Variants in TMEM62 observed in about 807,000 individuals in gnomAD.
The protein encoded by TMEM62 is transmembrane protein 62.
TMEM62 carries 41 observed loss-of-function variants against 70.4 expected under a neutral mutation model. The observed-to-expected ratio is 0.58, with a 90% CI of 0.45 to 0.76. The LOEUF is 0.76. Ranked by LOEUF, TMEM62 falls within the 30% of genes least tolerant of loss-of-function variation. TMEM62 has a pLI of 0.00. For missense variants in TMEM62, 688 were observed against 788.5 expected, an observed-to-expected ratio of 0.87 and a Z score of 1.53; for synonymous variants, 268 against 291.0, an observed-to-expected ratio of 0.92 and a Z score of 0.80.
At position 43,146,748 on chromosome 15, in the gene TMEM62, A is replaced by G. The variant is rs2036719732; in HGVS notation, c.618+114A>G. On this transcript the variant is annotated intron_variant, in intron 5 of 13. Transcript: ENST00000260403. ...TTGTTATCTAGGAATGCTTTGGAGAAATTTAACTTGGTTACAGGTATGGCT... is the reference window on the plus strand; with the variant it reads ...TTGTTATCTAGGAATGCTTTGGAGAGATTTAACTTGGTTACAGGTATGGCT... 3.0e-6 allele frequency: 3 copies of G among 1,015,242 alleles called. No individual in the cohort carries two copies. In the South Asian group the frequency reaches 5.5e-5, roughly 19 times the overall value. 62.9% of individuals were successfully genotyped at this position (1,015,242 alleles called of 1,614,324 possible). A position where few individuals can be genotyped will look rare whatever the true frequency, so the allele number is the denominator to read the frequency against.
intron 11 of TMEM62, among the ~76,000 whole-genome samples, chr15:43,173,854 A>AC (rs2040461113): frequency 7.4e-6 from 1 of 135,692 alleles, no homozygotes; most frequent in African/African-American, 2.5e-5. Flanking sequence ...CAATGCAGGA[A>AC]CTTTTTTTTT....
chr15:43,168,141 G>T (rs2039759006), intron 10 of TMEM62, among the ~76,000 whole-genome samples: 1 of 137,548 alleles, frequency 7.3e-6, no homozygotes, highest in Admixed American at 7.4e-5. Flanking sequence ...AGACCGTGGG[G>T]AGAGAGAGGG....
chr15:43,167,234 C>A (rs1015699188), intron 10 of TMEM62, among the ~76,000 whole-genome samples: 1 of 151,750 alleles, frequency 6.6e-6, no homozygotes, highest in African/African-American at 2.4e-5. Flanking sequence ...ACCTCCCTCC[C>A]GGATGGGGCG....
intron 10 of TMEM62, among the ~76,000 whole-genome samples, chr15:43,164,243 C>A (rs550431188): frequency 6.6e-6 from 1 of 152,190 alleles, no homozygotes; most frequent in East Asian, 1.9e-4. Context: ...AAGGCTCCAT[C>A]TCTTAAAAAG....
rs201343057 is a variant in TMEM62 at position 43,155,382 on chromosome 15, GC to G, written c.1182+552del. 1.7e-3 allele frequency among the ~76,000 whole-genome samples: 265 copies of G among 152,154 alleles called. 5 individuals carry two copies. In the East Asian group the frequency reaches 0.034, roughly 19 times the overall value. On this transcript the variant is annotated intron_variant, in intron 9 of 13. Transcript: ENST00000260403. ...ATGGTGGCGTGCATCTGTAGTCCTA[GC>G]TACTTGGGAGGCTGAGATGGAAGGA... is the stretch of plus-strand genomic sequence containing the variant.
chr15:43,135,792 A>G, intron 3 of TMEM62, 143 bp downstream of exon 3: 1 of 975,120 alleles, frequency 1.0e-6, no homozygotes, highest in Non-Finnish European at 1.4e-6. Context: ...CAACTATATA[A>G]TGTGGTTTTA....
intron 12 of TMEM62, among the ~76,000 whole-genome samples, chr15:43,178,917 A>G (rs2041060702): frequency 6.6e-6 from 1 of 152,250 alleles, no homozygotes; most frequent in Non-Finnish European, 1.5e-5. Context: ...AAGGGTGCTG[A>G]GAAGACTGCT....
chr15:43,145,670 A>C (rs2036584291), intron 4 of TMEM62, among the ~76,000 whole-genome samples: 1 of 152,212 alleles, frequency 6.6e-6, no homozygotes, highest in Non-Finnish European at 1.5e-5. Flanking sequence ...AGCATATTAA[A>C]TTTCAGGAGT....
At chr15:43,171,452 C>T (rs992718916) in intron 11 of TMEM62, among the ~76,000 whole-genome samples, 1 of 151,922 alleles carries the variant, frequency 6.6e-6, no homozygotes, top group African/African-American at 2.4e-5. Context: ...CCATTATTCT[C>T]CTAAACTCCT....
At chr15:43,175,850 G>A (rs927453298) in intron 11 of TMEM62, among the ~76,000 whole-genome samples, 4 of 152,206 alleles carry the variant, frequency 2.6e-5, no homozygotes, top group African/African-American at 9.7e-5. Flanking sequence ...TGGGTCCAGC[G>A]CACCGTGCGT....
chr15:43,162,227 T>C (rs1221868345), intron 10 of TMEM62, among the ~76,000 whole-genome samples: 1 of 151,898 alleles, frequency 6.6e-6, no homozygotes, highest in Non-Finnish European at 1.5e-5. Flanking sequence ...AACCTCCGCC[T>C]CCTGGATTCA....
chr15:43,184,364 G>C lies in TMEM62; in HGVS notation c.1710G>C (p.Leu570Phe). 1 of 1,614,166 alleles carries C rather than the reference G, an allele frequency of 6.2e-7. No individual in the cohort carries two copies. The highest frequency in any genetic ancestry group is 8.5e-7 in the Non-Finnish European group (1 of 1,180,020). ...FRSHLHQRKY[L>F]KIMPVHLLML... ...CTCATCTCCATCAAAGAAAATACTTGAAAATTATGCCTGTTCACCTACTTA... is the reference window on the plus strand; with the variant it reads ...CTCATCTCCATCAAAGAAAATACTTCAAAATTATGCCTGTTCACCTACTTA... The change falls in exon 14 of 14, where the codon TTG becomes TTC. Residue 570 changes from leucine to phenylalanine, a missense_variant. Transcript: ENST00000260403.
intron 11 of TMEM62, among the ~76,000 whole-genome samples, chr15:43,172,970 G>C (rs781480874): frequency 4.6e-5 from 7 of 152,192 alleles, no homozygotes; most frequent in Non-Finnish European, 1.0e-4. Context: ...GCTCATGCCT[G>C]TAATCCCAGT....
At position 43,160,761 on chromosome 15, in the gene TMEM62, A is replaced by G. The variant is rs575058737; in HGVS notation, c.1263A>G (p.Ala421=). Residue 421 remains alanine (A), a synonymous_variant, in exon 10 of 14, where the codon GCA becomes GCG. Coordinates refer to ENST00000260403, the MANE Select transcript of TMEM62 (RefSeq NM_024956.4). ...ENNHLSFDPL[A]SFILRTDHYI... ...ATCATCTCAGTTTTGATCCCCTGGC[A>G]TCATTTATTCTCCGTACTGATCACT... The G allele has an allele frequency of 4.4e-5, 71 of 1,611,542 alleles. No homozygotes were observed. Among genetic ancestry groups the G allele is most frequent in the South Asian group, 2.2e-4 (20 of 90,948 alleles).
intron 5 of TMEM62, among the ~76,000 whole-genome samples, chr15:43,148,125 T>C (rs2036901341): frequency 6.6e-6 from 1 of 152,226 alleles, no homozygotes; most frequent in African/African-American, 2.4e-5. Context: ...TGTCTTCACT[T>C]CCTAGGGAAT....
chr15:43,178,521 T>C (rs2041010067), intron 11 of TMEM62, 86 bp from the exon 12 acceptor site: 1 of 771,436 alleles, frequency 1.3e-6, no homozygotes, highest in Admixed American at 2.3e-5. Flanking sequence ...ATATGGTAGA[T>C]AGCCCATGAA....
chr15:43,138,746 C>T, intron 4 of TMEM62, 127 bp downstream of exon 4: 2 of 793,572 alleles, frequency 2.5e-6, no homozygotes, highest in South Asian at 3.6e-5. Context: ...GCTATTTTGC[C>T]CAGGCTAGCT....
Position 43,143,302 on chromosome 15 carries a change from T to G in TMEM62, c.477-3191T>G, listed in dbSNP as rs982826424. Among the ~76,000 whole-genome samples, 6 of 152,354 alleles carry G rather than the reference T, an allele frequency of 3.9e-5. No individual in the cohort carries two copies. In the East Asian group the frequency reaches 1.2e-3, roughly 29 times the overall value. On this transcript the variant is annotated intron_variant, in intron 4 of 13. Transcript: ENST00000260403. Reference sequence around the variant, plus strand: ...GTCTCAAACTCCTGACCTCAAGTGATCTGCCTGCCTTGGCCTCCAAAAGTG... The same window carrying G: ...GTCTCAAACTCCTGACCTCAAGTGAGCTGCCTGCCTTGGCCTCCAAAAGTG...
rs578105522 is a variant in TMEM62, at chr15:43,165,132, T to A, written c.1296+4338T>A. Among the ~76,000 whole-genome samples the A allele has an allele frequency of 2.0e-5, 3 of 152,336 alleles. No homozygotes were observed. In the South Asian group the frequency reaches 6.2e-4, roughly 32 times the overall value. ...AGGTTAAAAAAGTTCTCTATTATTA[T>A]TTTTTGAATAAACTTCCTACTCTGA... On this transcript the variant is annotated intron_variant, in intron 10 of 13. Coordinates refer to ENST00000260403, the MANE Select transcript of TMEM62 (RefSeq NM_024956.4).
Sources: allele counts gnomAD v4.1 joint callset (sites outside exome capture counted in the v4.1 genomes callset), GRCh38; gene constraint gnomAD v4.1.1; transcripts MANE v1.5; gene names NCBI Gene and HGNC (gene_info 2026-07-23, HGNC 2026-07-21).